Variants in LITAF observed in about 807,000 individuals in gnomAD.
LITAF encodes the protein lipopolysaccharide induced TNF factor, also known as lipopolysaccharide-induced tumor necrosis factor-alpha factor.
Under a neutral mutation model 14.5 loss-of-function variants are expected in LITAF, and 9 were observed. The observed-to-expected ratio is 0.62, with a 90% CI of 0.37 to 1.08. LITAF has a LOEUF of 1.08. Ranked by LOEUF, LITAF falls within the 50% of genes least tolerant of loss-of-function variation. LITAF has a pLI of 0.01. For missense variants in LITAF, 206 were observed against 213.4 expected, an observed-to-expected ratio of 0.97 and a Z score of 0.22; for synonymous variants, 98 against 88.2, an observed-to-expected ratio of 1.11 and a Z score of -0.62.
At chr16:11,626,571 C>G (rs1330939351) in intron 3 of LITAF, among the ~76,000 whole-genome samples, 4 of 152,180 alleles carry the variant, frequency 2.6e-5, no homozygotes, top group African/African-American at 9.7e-5. Context: ...AACTCCTGAC[C>G]TCATGATCTG....
chr16:11,575,680 C>T (rs1004641147), intron 1 of LITAF: 50 of 152,178 alleles, frequency 3.3e-4, no homozygotes, highest in African/African-American at 1.1e-3. Context: ...CAACAACTCG[C>T]GGTCAGCGTA....
upstream of LITAF, among the ~76,000 whole-genome samples, chr16:11,600,010 A>G (rs2064917455): frequency 1.3e-5 from 2 of 151,784 alleles, no homozygotes; most frequent in Middle Eastern, 3.4e-3. This position sits in a 1 kb window ranked among gnomAD's most constrained non-coding sequence, Gnocchi z 4.1. Context: ...AATTTTTTAT[A>G]TTTAGAGACA....
At chr16:11,599,819 G>A (rs1295814794), upstream of LITAF, among the ~76,000 whole-genome samples, 1 of 152,104 alleles carries the variant, frequency 6.6e-6, no homozygotes, top group Non-Finnish European at 1.5e-5. Context: ...TTGCACGGCT[G>A]CTCCTCCTGC....
chr16:11,614,714 TG>T (rs1410971542), intron 3 of LITAF, among the ~76,000 whole-genome samples: 1 of 152,230 alleles, frequency 6.6e-6, no homozygotes, highest in Non-Finnish European at 1.5e-5. Flanking sequence ...CCTCCCATCT[TG>T]GCCTTCCAGA....
intron 3 of LITAF, among the ~76,000 whole-genome samples, chr16:11,621,892 T>G (rs983063839): frequency 6.6e-6 from 1 of 152,136 alleles, no homozygotes; most frequent in African/African-American, 2.4e-5. Context: ...AGCTCCTACG[T>G]TGCTGCAGCC....
chr16:11,591,202 G>C (rs2064843900), upstream of LITAF, among the ~76,000 whole-genome samples: 2 of 118,408 alleles, frequency 1.7e-5, 1 homozygote, highest in African/African-American at 8.0e-5. Flanking sequence ...CTTTGTTTTT[G>C]AGACAGAGTC....
intron 1 of LITAF, among the ~76,000 whole-genome samples, chr16:11,577,694 C>T (rs2064663362): frequency 1.3e-5 from 2 of 151,684 alleles, no homozygotes; most frequent in African/African-American, 4.8e-5. Flanking sequence ...GTAGATACTC[C>T]CTCTCCAGGG....
At chr16:11,609,503 C>A (rs558581910) in intron 3 of LITAF, among the ~76,000 whole-genome samples, 1 of 152,236 alleles carries the variant, frequency 6.6e-6, no homozygotes, top group African/African-American at 2.4e-5. Flanking sequence ...CGTGAGCCAC[C>A]GTGCCCGGCC....
chr16:11,614,506 G>C (rs1311506366), intron 3 of LITAF, among the ~76,000 whole-genome samples: 3 of 151,914 alleles, frequency 2.0e-5, no homozygotes, highest in African/African-American at 4.8e-5. Context: ...CACCATGTTG[G>C]CCAGGCTGGT....
chr16:11,570,029 CAAA>C (rs61431032), intron 1 of LITAF, among the ~76,000 whole-genome samples: 1 of 122,804 alleles, frequency 8.1e-6, no homozygotes. Context: ...GACTTTGCCT[CAAA>C]AAAAAAAAAA....
chr16:11,556,597 G>C lies in LITAF; in HGVS notation c.134C>G (p.Thr45Arg). ...TPPAPMPGPT[T>R]GLVTGPDGKG... ...CCCATCAGGCCCCGTCACAAGCCCC[G>C]TAGTTGGCCCAGGCATGGGAGCTGG... The change falls in exon 2 of 4, where the codon ACG becomes AGG. Residue 45 changes from threonine to arginine, a missense_variant. Physicochemically the swap from Thr to Arg is moderately conservative, Grantham distance 71. Coordinates refer to ENST00000622633, the MANE Select transcript of LITAF (RefSeq NM_001136472.2). 6.2e-7 allele frequency: 1 copy of C among 1,614,178 alleles called. No individual in the cohort carries two copies. The highest frequency in any genetic ancestry group is 1.7e-5 in the Admixed American group (1 of 60,010).
upstream of LITAF, chr16:11,587,176 G>C (rs1234485521): frequency 3.1e-6 from 1 of 320,918 alleles, no homozygotes; most frequent in Admixed American, 4.0e-5. Flanking sequence ...CGCGGACCTG[G>C]TGTCTCCCCC....
chr16:11,622,947 A>AATATATATATAT (rs56677620), intron 3 of LITAF, among the ~76,000 whole-genome samples: 3 of 145,376 alleles, frequency 2.1e-5, no homozygotes, highest in African/African-American at 7.5e-5. Context: ...TCATATAATG[A>AATATATATATAT]ATATATATAT....
upstream of LITAF, among the ~76,000 whole-genome samples, chr16:11,602,425 T>A (rs79491850): frequency 5.7e-4 from 86 of 152,210 alleles, 1 homozygote; most frequent in African/African-American, 2.0e-3. Flanking sequence ...CAGGCTGTTA[T>A]GGAAATGTTA....
At chr16:11,638,873 T>A (rs1033911681), upstream of LITAF, among the ~76,000 whole-genome samples, 6 of 152,064 alleles carry the variant, frequency 3.9e-5, no homozygotes, top group South Asian at 1.2e-3. Flanking sequence ...GCTGGCTACC[T>A]TTTTAACCTG....
intron 2 of LITAF, chr16:11,556,206 G>A (rs574517301): frequency 2.7e-5 from 14 of 511,470 alleles, no homozygotes; most frequent in African/African-American, 1.5e-4. Flanking sequence ...GGAAGTGTGC[G>A]GGCCCTTAAG....
At chr16:11,570,393 G>C (rs2064523551) in intron 1 of LITAF, among the ~76,000 whole-genome samples, 1 of 152,120 alleles carries the variant, frequency 6.6e-6, no homozygotes, top group South Asian at 2.1e-4. Flanking sequence ...GAGGACCCAG[G>C]CACAGACCTC....
intron 3 of LITAF, among the ~76,000 whole-genome samples, chr16:11,611,504 A>G (rs1274634161): frequency 2.0e-5 from 3 of 152,168 alleles, no homozygotes; most frequent in African/African-American, 7.2e-5. Flanking sequence ...ATTTTTATTT[A>G]CTAAATCTAG....
At chr16:11,551,830 T>C in intron 3 of LITAF, 1 of 562,888 alleles carries the variant, frequency 1.8e-6, no homozygotes, top group South Asian at 2.0e-5. Context: ...AGACTCAGCC[T>C]CAAACAAAAC....
Sources: allele counts gnomAD v4.1 joint callset (sites outside exome capture counted in the v4.1 genomes callset), GRCh38; gene constraint gnomAD v4.1.1; non-coding constraint Gnocchi (gnomAD v3.1); transcripts MANE v1.5; gene names NCBI Gene and HGNC (gene_info 2026-07-23, HGNC 2026-07-21).